The following AMDHD2 variants were observed in gnomAD, a reference collection of about 807,000 sequenced individuals.
AMDHD2 encodes the protein N-acetylglucosamine-6-phosphate deacetylase.
AMDHD2 carries 24 observed loss-of-function variants against 41.8 expected under a neutral mutation model. That is an observed-to-expected ratio of 0.57 (90% CI 0.42 to 0.81). The LOEUF (loss-of-function observed/expected upper bound fraction) is 0.81, where lower values mean the gene tolerates loss of function less well. AMDHD2 is among the 30% of genes least tolerant of loss of function. The pLI, the probability that AMDHD2 is intolerant of heterozygous loss-of-function variation, is 0.00. For missense variants in AMDHD2, 540 were observed against 588.5 expected (o/e 0.92, Z 0.85); for synonymous variants, 332 against 255.5 (o/e 1.30, Z -2.85).
chr16:2,527,657 C>T lies in AMDHD2; in HGVS notation c.415+42C>T, dbSNP rs771821292. ...CTCCCCGCCCCCACCCTGGGAGGCT[C>T]CTGCGGGACCTGTTGGCAGCCCCCA... On this transcript the variant is annotated intron_variant, in intron 4 of 10. Coordinates refer to ENST00000293971, the MANE Select transcript of AMDHD2 (RefSeq NM_001330449.2). This position sits in a 1 kb window ranked among gnomAD's most constrained non-coding sequence, Gnocchi z 6.1. 1.3e-6 allele frequency: 2 copies of T among 1,586,962 alleles called. No homozygotes were observed. The highest frequency in any genetic ancestry group is 2.3e-5 in the East Asian group (1 of 44,176).
intron 3 of AMDHD2, among the ~76,000 whole-genome samples, chr16:2,523,250 T>G (rs569522288): frequency 6.6e-6 from 1 of 152,312 alleles, no homozygotes; most frequent in Non-Finnish European, 1.5e-5. Context: ...GCCGTCTGTG[T>G]TCTAGTTCTG....
At chr16:2,525,420 G>A (rs570041757) in intron 3 of AMDHD2, among the ~76,000 whole-genome samples, 88 of 150,302 alleles carry the variant, frequency 5.9e-4, no homozygotes, top group Non-Finnish European at 9.4e-4. Context: ...GGGCTGGAGC[G>A]CAATGGCACA....
Position 2,528,446 on chromosome 16 carries a change from C to G in AMDHD2, c.863-6C>G. The G allele has an allele frequency of 6.2e-7, 1 of 1,612,838 alleles. No individual in the cohort carries two copies. The highest frequency in any genetic ancestry group is 8.5e-7 in the Non-Finnish European group (1 of 1,179,926). On this transcript the variant is annotated splice_region_variant and splice_polypyrimidine_tract_variant and intron_variant, in intron 7 of 10. Transcript: ENST00000293971. Reference sequence around the variant, plus strand: ...GCTAGCAGGTTCTGAGCCTCTTCTCCCCCAGGGCTGGTGCTGGTCACCGAT... The same window carrying G: ...GCTAGCAGGTTCTGAGCCTCTTCTCGCCCAGGGCTGGTGCTGGTCACCGAT...
chr16:2,529,496 C>T lies in AMDHD2; in HGVS notation c.1163C>T (p.Ser388Phe), dbSNP rs1452597122. Residue 388 changes from serine (S) to phenylalanine (F), a missense_variant, in exon 11 of 11, where the codon TCC becomes TTC. Coordinates refer to ENST00000293971, the MANE Select transcript of AMDHD2 (RefSeq NM_001330449.2). ...CCAGACTTCGTGGTGCTCGACGACT[C>T]CCTTCACGTCCAGGCCACCTACATC... The part of the protein sequence containing the change: ...ADADFVVLDD[S>F]LHVQATYISG... 1 of 1,611,504 alleles carries T rather than the reference C, an allele frequency of 6.2e-7. No homozygotes were observed. Among genetic ancestry groups the T allele is most frequent in the East Asian group, 2.2e-5 (1 of 44,888 alleles).
rs778523830 is a variant in AMDHD2, at chr16:2,527,644, A to G, written c.415+29A>G. On this transcript the variant is annotated intron_variant, in intron 4 of 10. Coordinates refer to ENST00000293971, the MANE Select transcript of AMDHD2 (RefSeq NM_001330449.2). This position sits in a 1 kb window ranked among gnomAD's most constrained non-coding sequence, Gnocchi z 6.1. ...AGTGGCTGACCTCCTCCCCGCCCCC[A>G]CCCTGGGAGGCTCCTGCGGGACCTG... 6.3e-7 allele frequency: 1 copy of G among 1,596,996 alleles called. No homozygotes were observed. Among genetic ancestry groups the G allele is most frequent in the Non-Finnish European group, 8.5e-7 (1 of 1,172,550 alleles).
chr16:2,529,051 G>A lies in AMDHD2; in HGVS notation c.1097G>A (p.Gly366Glu). 3.1e-6 allele frequency: 5 copies of A among 1,600,108 alleles called. No individual in the cohort carries two copies. In the South Asian group the frequency reaches 5.6e-5, roughly 18 times the overall value. ...TCCCTGCACCCCGCCCAGTTGCTGG[G>A]GCTGGAGAAGAGTAAGGGGACCCTG... ...AASLHPAQLL[G>E]LEKSKGTLDF... The change falls in exon 10 of 11, where the codon GGG becomes GAG. Residue 366 changes from glycine (G) to glutamate (E), a missense_variant. Gly to Glu is a moderately conservative substitution (Grantham distance 98, BLOSUM62 -2). Coordinates refer to ENST00000293971, the MANE Select transcript of AMDHD2 (RefSeq NM_001330449.2).
In AMDHD2 at chr16:2,531,406, T is replaced by TAA. The variant is rs2066095192; in HGVS notation, c.*1844_*1845dup. 2.0e-6 allele frequency: 1 copy of TAA among 504,228 alleles called. No homozygotes were observed. The highest frequency in any genetic ancestry group is 4.2e-5 in the South Asian group (1 of 23,708). The allele number at this position is 504,228 out of a possible 1,614,324, so 31.2% of individuals were successfully genotyped here. A position where few individuals can be genotyped will look rare whatever the true frequency, so the allele number is the denominator to read the frequency against. ...ATTGTGGTAAAATACATAACAAAAG[T>TAA]AACTATCGTAACCTGAGCAGTTCTG... On this transcript the variant is annotated 3_prime_UTR_variant, in exon 11 of 11. Coordinates refer to ENST00000293971, the MANE Select transcript of AMDHD2 (RefSeq NM_001330449.2).
At chr16:2,528,921 C>T in intron 9 of AMDHD2, 73 bp from the exon 10 acceptor site, 1 of 1,494,312 alleles carries the variant, frequency 6.7e-7, no homozygotes, top group Non-Finnish European at 9.0e-7. Flanking sequence ...ACAGGGAGTG[C>T]TGGTGTGGTT....
At chr16:2,522,877 T>A (rs1304996562) in intron 3 of AMDHD2, among the ~76,000 whole-genome samples, 1 of 149,312 alleles carries the variant, frequency 6.7e-6, no homozygotes, top group Admixed American at 6.7e-5. Flanking sequence ...ATAGTCTCCC[T>A]TTGTTGACCA....
Position 2,530,827 on chromosome 16 carries a change from G to C in AMDHD2, c.*1264G>C. On this transcript the variant is annotated 3_prime_UTR_variant, in exon 11 of 11. Transcript: ENST00000293971. Reference sequence around the variant, plus strand: ...CAAGCCCCAGGGGCAGCCCAGGAAAGCAGGCGACGGATGTGGATCCTGACC... The same window carrying C: ...CAAGCCCCAGGGGCAGCCCAGGAAACCAGGCGACGGATGTGGATCCTGACC... 1.9e-6 allele frequency: 3 copies of C among 1,613,814 alleles called. No homozygotes were observed. Among genetic ancestry groups the C allele is most frequent in the Non-Finnish European group, 2.5e-6 (3 of 1,179,996 alleles).
chr16:2,527,703 G>C lies in AMDHD2; in HGVS notation c.416-70G>C. ...CCCCACCCCTCCAGATGCCCAGCTG[G>C]TGGGGAGGGCAGGTGATAAGGGCTG... On this transcript the variant is annotated intron_variant, in intron 4 of 10. Coordinates refer to ENST00000293971, the MANE Select transcript of AMDHD2 (RefSeq NM_001330449.2). This position sits in a 1 kb window ranked among gnomAD's most constrained non-coding sequence, Gnocchi z 6.1. 1 of 1,559,132 alleles carries C rather than the reference G, an allele frequency of 6.4e-7. No individual in the cohort carries two copies. Among genetic ancestry groups the C allele is most frequent in the Non-Finnish European group, 8.7e-7 (1 of 1,151,552 alleles).
At position 2,520,408 on chromosome 16, in the gene AMDHD2, G is replaced by T. The variant is rs2065915294; in HGVS notation, c.-51G>T. On this transcript the variant is annotated 5_prime_UTR_variant, in exon 1 of 11. Transcript: ENST00000293971. The stretch of plus-strand genomic sequence containing the variant: ...GGCTGGGGTTCGTCACTGGGCGCGG[G>T]ATTTGGCCGCCGCGGGGCTCCGGAG... The T allele has an allele frequency of 2.5e-5, 30 of 1,216,586 alleles. No individual in the cohort carries two copies. Among genetic ancestry groups the T allele is most frequent in the Non-Finnish European group, 3.0e-5 (29 of 974,694 alleles). 75.4% of individuals were successfully genotyped at this position (1,216,586 alleles called of 1,614,324 possible).
In AMDHD2 at chr16:2,528,314, A is replaced by G; in HGVS notation, c.796A>G (p.Met266Val). The change falls in exon 7 of 11, where the codon ATG becomes GTG. Residue 266 changes from methionine to valine, a missense_variant. Physicochemically the swap from Met to Val is conservative, Grantham distance 21. Transcript: ENST00000293971. ...CGCAGGCCGCTGCATCTTCTATGGG[A>G]TGATTGCAGATGGCACGCACACCAA... ...LPAGRCIFYG[M>V]IADGTHTNPA... 1.2e-6 allele frequency: 2 copies of G among 1,612,626 alleles called. No individual in the cohort carries two copies. The highest frequency in any genetic ancestry group is 1.7e-6 in the Non-Finnish European group (2 of 1,179,904).
chr16:2,529,650 C>T lies in AMDHD2; in HGVS notation c.*87C>T, dbSNP rs1042638324. ...GGGAGCTGGTCTCCAGGGAGTGAGT[C>T]GGGAGCCCTGCTGGATTGATGCCCA... On this transcript the variant is annotated 3_prime_UTR_variant, in exon 11 of 11. Transcript: ENST00000293971. 10 of 1,580,762 alleles carry T rather than the reference C, an allele frequency of 6.3e-6. No homozygotes were observed. The highest frequency in any genetic ancestry group is 2.2e-5 in the South Asian group (2 of 89,214).
intron 3 of AMDHD2, among the ~76,000 whole-genome samples, chr16:2,522,017 C>T (rs1020159011): frequency 6.6e-6 from 1 of 152,022 alleles, no homozygotes; most frequent in Non-Finnish European, 1.5e-5. Context: ...ATCTCCTGAC[C>T]TCGTGATCCG....
At chr16:2,528,867 G>A in intron 9 of AMDHD2, 127 bp from the exon 10 acceptor site, 7 of 1,487,520 alleles carry the variant, frequency 4.7e-6, no homozygotes, top group South Asian at 2.4e-5. Flanking sequence ...AGGGTGACAG[G>A]CAGACCAGCA....
rs780787745 is a variant in AMDHD2, at chr16:2,530,916, A to G, written c.*1353A>G. 5 of 1,613,312 alleles carry G rather than the reference A, an allele frequency of 3.1e-6. No individual in the cohort carries two copies. Among genetic ancestry groups the G allele is most frequent in the Non-Finnish European group, 4.2e-6 (5 of 1,179,976 alleles). ...CTTGACGGCCGCGCACCCCTTAGGA[A>G]GTGGCTGTCCAGCGCCTGCCTGTGC... On this transcript the variant is annotated 3_prime_UTR_variant, in exon 11 of 11. Coordinates refer to ENST00000293971, the MANE Select transcript of AMDHD2 (RefSeq NM_001330449.2).
rs763401714 is a variant in AMDHD2, at chr16:2,528,538, G to A, written c.949G>A (p.Gly317Ser). Residue 317 changes from glycine to serine, a missense_variant, in exon 8 of 11, where the codon GGT (glycine) becomes AGT (serine). By Grantham distance (56) the Gly-to-Ser change is moderately conservative (BLOSUM62 0). Coordinates refer to ENST00000293971, the MANE Select transcript of AMDHD2 (RefSeq NM_001330449.2). ...TLGQQEVEVD[G>S]LTAYVAGTKT... ...GGGACAGCAGGAAGTGGAAGTGGAC[G>A]GTCTGACGGCCTACGTGGCAGGTGA... 1.2e-5 allele frequency: 19 copies of A among 1,612,708 alleles called. No individual in the cohort carries two copies. The highest frequency in any genetic ancestry group is 6.7e-5 in the African/African-American group (5 of 75,054).
Position 2,520,522 on chromosome 16 carries a change from C to T in AMDHD2, c.64C>T (p.Arg22Cys), listed in dbSNP as rs1296147161. The change falls in exon 1 of 11, where the codon CGC becomes TGC. Residue 22 changes from arginine (R) to cysteine (C), a missense_variant. Coordinates refer to ENST00000293971, the MANE Select transcript of AMDHD2 (RefSeq NM_001330449.2). ...VLQFTNCRIL[R>C]GGKLLREDLW... is the part of the protein sequence containing the mutation. ...CCAGTTCACTAACTGCCGGATCCTG[C>T]GCGGAGGGAAACTGCTCAGGTGGGC... 8 of 1,220,290 alleles carry T rather than the reference C, an allele frequency of 6.6e-6. No homozygotes were observed. Among genetic ancestry groups the T allele is most frequent in the African/African-American group, 3.2e-5 (2 of 62,624 alleles). The allele number at this position is 1,220,290 out of a possible 1,614,324, so 75.6% of individuals were successfully genotyped here. A position where few individuals can be genotyped will look rare whatever the true frequency, so the allele number is the denominator to read the frequency against.
Sources: gnomAD v4.1 joint callset for allele counts (sites outside exome capture counted in the v4.1 genomes callset) on GRCh38, gnomAD v4.1.1 for gene constraint, Gnocchi (gnomAD v3.1) non-coding constraint, MANE v1.5 for transcripts, NCBI Gene and HGNC (gene_info 2026-07-23, HGNC 2026-07-21) for gene names.